The following SPAG17 variants were observed in gnomAD, a reference collection of about 807,000 sequenced individuals.
SPAG17 encodes the protein sperm associated antigen 17.
Under a neutral mutation model 273.6 loss-of-function variants are expected in SPAG17, and 169 were observed. The ratio of observed to expected loss-of-function variants is 0.62; its 90% CI spans 0.55 to 0.70. SPAG17 has a LOEUF of 0.70. Ranked by LOEUF, SPAG17 falls within the 30% of genes least tolerant of loss-of-function variation. The probability of loss-of-function intolerance (pLI) is 0.00; values close to 1 mark genes in which losing one functional copy is unlikely to be tolerated. For synonymous variants in SPAG17, 825 were observed against 873.2 expected, an observed-to-expected ratio of 0.94 and a Z score of 0.97; for missense variants, 2,557 against 2,627.8, an observed-to-expected ratio of 0.97 and a Z score of 0.59.
chr1:118,018,156 T>C (rs1471913857), intron 28 of SPAG17, among the ~76,000 whole-genome samples: 2 of 152,166 alleles, frequency 1.3e-5, no homozygotes, highest in African/African-American at 4.8e-5. Flanking sequence ...TTTGTTTTCT[T>C]AGCATTGTGG....
chr1:118,082,845 G>A (rs1056858437), intron 13 of SPAG17, among the ~76,000 whole-genome samples: 2 of 152,156 alleles, frequency 1.3e-5, no homozygotes, highest in Admixed American at 6.5e-5. Context: ...AAGTGACTGA[G>A]GAAGGGAAAA....
chr1:118,083,804 A>T (rs1654786707), intron 13 of SPAG17, among the ~76,000 whole-genome samples: 1 of 152,100 alleles, frequency 6.6e-6, no homozygotes, highest in Non-Finnish European at 1.5e-5. Context: ...AAACAAAAAC[A>T]GAGACAGCAG....
intron 16 of SPAG17, 67 bp from the exon 17 acceptor site, chr1:118,074,034 T>TCCGTCAACTAACCAGTATGTACTCCAC (rs1653859560): frequency 9.5e-7 from 1 of 1,053,382 alleles, no homozygotes; most frequent in African/African-American, 1.7e-5. Flanking sequence ...CCTCTTGGGC[T>TCCGTCAACTAACCAGTATGTACTCCAC]CCGTCAACTA....
At chr1:118,021,435 G>A (rs543125205) in intron 28 of SPAG17, among the ~76,000 whole-genome samples, 159 of 152,206 alleles carry the variant, frequency 1.0e-3, no homozygotes, top group Middle Eastern at 3.4e-3. Context: ...GGTGGAATAA[G>A]AAGGGTGAAT....
chr1:117,955,405 T>G, intron 48 of SPAG17: 1 of 1,553,464 alleles, frequency 6.4e-7, no homozygotes. Flanking sequence ...CAGCAAACAT[T>G]TATGAAGTGC....
In SPAG17 at chr1:118,093,173, C is replaced by T; in HGVS notation, c.1156G>A (p.Ala386Thr). 1.2e-6 allele frequency: 2 copies of T among 1,613,402 alleles called. No individual in the cohort carries two copies. Among genetic ancestry groups the T allele is most frequent in the South Asian group, 1.1e-5 (1 of 90,904 alleles). The stretch of plus-strand genomic sequence containing the variant: ...ATGCCTACCTCTGAAGTTGGCATGG[C>T]TTCTAATACAGGTTTCTCATTAACC... Reference protein sequence around the residue: ...QVVNEKPVLEAMPTSEAPQPA... With the variant: ...QVVNEKPVLETMPTSEAPQPA... Residue 386 changes from alanine to threonine, a missense_variant, in exon 8 of 49, where the codon GCC (alanine) becomes ACC (threonine). Coordinates refer to ENST00000336338, the MANE Select transcript of SPAG17 (RefSeq NM_206996.4).
chr1:118,075,227 C>T (rs570914888), intron 15 of SPAG17, among the ~76,000 whole-genome samples: 6 of 152,264 alleles, frequency 3.9e-5, no homozygotes, highest in South Asian at 2.1e-4. Flanking sequence ...GAAGCGGTAC[C>T]TGGACTCCAT....
At chr1:118,041,112 A>T (rs750774540) in intron 21 of SPAG17, among the ~76,000 whole-genome samples, 4 of 152,190 alleles carry the variant, frequency 2.6e-5, no homozygotes, top group Admixed American at 2.0e-4. Flanking sequence ...TTGTCAAGGC[A>T]GTTCAAGAAG....
At chr1:118,073,686 G>C (rs552033842) in intron 17 of SPAG17, among the ~76,000 whole-genome samples, 168 bp downstream of exon 17, 2 of 151,984 alleles carry the variant, frequency 1.3e-5, no homozygotes, top group Non-Finnish European at 2.9e-5. Flanking sequence ...AGAGTCGCTG[G>C]GAATGCATAG....
intron 5 of SPAG17, 115 bp from the exon 6 acceptor site, chr1:118,099,915 C>G (rs1486558120): frequency 1.2e-6 from 1 of 826,762 alleles, no homozygotes; most frequent in Non-Finnish European, 1.8e-6. Context: ...TCTGGCTTGC[C>G]AAAAATGATC....
chr1:118,034,404 C>T (rs1320912412), intron 24 of SPAG17, among the ~76,000 whole-genome samples: 1 of 152,186 alleles, frequency 6.6e-6, no homozygotes, highest in African/African-American at 2.4e-5. Context: ...CCTTTCTATG[C>T]TTTTACACTA....
In SPAG17 at chr1:118,057,637, TA is replaced by T. The variant is rs566473166; in HGVS notation, c.2541-1724del. On this transcript the variant is annotated intron_variant, in intron 18 of 48. Coordinates refer to ENST00000336338, the MANE Select transcript of SPAG17 (RefSeq NM_206996.4). ...ACTCACAAATGTATTCCAGTTGCATTAAAAAAATAAATCAGAGAAATAAGAC... is the reference window on the plus strand; with the variant it reads ...ACTCACAAATGTATTCCAGTTGCATTAAAAAATAAATCAGAGAAATAAGAC... Among the ~76,000 whole-genome samples, 734 of 152,058 alleles carry T rather than the reference TA, an allele frequency of 4.8e-3. 5 individuals carry two copies. Among genetic ancestry groups the T allele is most frequent in the African/African-American group, 0.017 (694 of 41,466 alleles).
At chr1:118,035,261 G>A (rs1557937165) in intron 24 of SPAG17, among the ~76,000 whole-genome samples, 2 of 152,158 alleles carry the variant, frequency 1.3e-5, no homozygotes, top group South Asian at 2.1e-4. Context: ...CTTGAAATTA[G>A]GAACATCTGT....
At chr1:118,054,205 T>G in intron 19 of SPAG17, 112 bp from the exon 20 acceptor site, 2 of 651,948 alleles carry the variant, frequency 3.1e-6, no homozygotes, top group Non-Finnish European at 5.2e-6. Context: ...AACTTCTCAT[T>G]TATTTATCTC....
At position 118,169,751 on chromosome 1, in the gene SPAG17, T is replaced by C. The variant is rs2102389930; in HGVS notation, c.87+15320A>G. Among the ~76,000 whole-genome samples, 3 of 152,294 alleles carry C rather than the reference T, an allele frequency of 2.0e-5. No individual in the cohort carries two copies. The South Asian group carries it at 6.2e-4, about 32-fold the overall frequency. On this transcript the variant is annotated intron_variant, in intron 1 of 48. Transcript: ENST00000336338. ...GTGATATTAACATTTCAACAATACC[T>C]ATCTTGAACTCATATCCACTTTCCA...
At chr1:117,959,421 G>A (rs866947264) in intron 48 of SPAG17, 1 of 1,612,840 alleles carries the variant, frequency 6.2e-7, no homozygotes. Context: ...GAAAAAGAGG[G>A]AGAAGTTGAT....
chr1:117,971,427 T>C (rs1348830607), intron 45 of SPAG17, among the ~76,000 whole-genome samples: 2 of 152,260 alleles, frequency 1.3e-5, no homozygotes, highest in Non-Finnish European at 2.9e-5. Flanking sequence ...CCCTCCATTA[T>C]GCAGAAACAA....
intron 1 of SPAG17, among the ~76,000 whole-genome samples, chr1:118,178,513 A>G (rs1015832379): frequency 6.6e-6 from 1 of 152,056 alleles, no homozygotes; most frequent in African/African-American, 2.4e-5. Flanking sequence ...CTTTCCTCTA[A>G]GATCTGGAAT....
intron 43 of SPAG17, among the ~76,000 whole-genome samples, chr1:117,977,837 C>G (rs185542331): frequency 6.6e-6 from 1 of 152,294 alleles, no homozygotes; most frequent in East Asian, 1.9e-4. Flanking sequence ...ACTGACCACT[C>G]TCGATCATTC....
Sources: allele counts gnomAD v4.1 joint callset (sites outside exome capture counted in the v4.1 genomes callset), GRCh38; gene constraint gnomAD v4.1.1; transcripts MANE v1.5; gene names NCBI Gene and HGNC (gene_info 2026-07-23, HGNC 2026-07-21).